The following DLG2 variants were observed in gnomAD, a reference collection of about 807,000 sequenced individuals.
DLG2 encodes the protein discs large MAGUK scaffold protein 2.
In DLG2, 45 loss-of-function variants were observed where a neutral mutation model predicts 132.5. The ratio of observed to expected loss-of-function variants is 0.34; its 90% CI spans 0.27 to 0.44. The LOEUF (loss-of-function observed/expected upper bound fraction) is 0.44. Among genes scored for constraint, DLG2 ranks in the 20% least tolerant of loss-of-function variants. DLG2 has a pLI of 1.00. For missense variants in DLG2, 1,045 were observed against 1,196.9 expected (o/e 0.87, Z 1.87); for synonymous variants, 424 against 419.6 (o/e 1.01, Z -0.13).
At chr11:83,789,523 C>T (rs1227686983) in intron 17 of DLG2, among the ~76,000 whole-genome samples, 1 of 144,834 alleles carries the variant, frequency 6.9e-6, no homozygotes, top group African/African-American at 2.7e-5. Flanking sequence ...CTTGCTGACA[C>T]TTCCCCACCC....
At chr11:83,856,699 T>C (rs1248417600) in intron 16 of DLG2, among the ~76,000 whole-genome samples, 1 of 152,162 alleles carries the variant, frequency 6.6e-6, no homozygotes, top group Non-Finnish European at 1.5e-5. Context: ...TTCTGTACAT[T>C]CCTTTAAGTT....
At chr11:83,557,979 A>G (rs2096548381) in intron 19 of DLG2, among the ~76,000 whole-genome samples, 1 of 152,174 alleles carries the variant, frequency 6.6e-6, no homozygotes, top group South Asian at 2.1e-4. Flanking sequence ...GAGAAGATGG[A>G]GTTACCAACT....
chr11:84,439,295 A>G (rs1311270181), intron 7 of DLG2, among the ~76,000 whole-genome samples: 3 of 152,186 alleles, frequency 2.0e-5, no homozygotes, highest in East Asian at 3.8e-4. Context: ...TTCCTGCCCT[A>G]TGAGTCTATG....
rs558947643 is a variant in DLG2, at chr11:85,620,019, T to G, written c.-93+6568A>C. Among the ~76,000 whole-genome samples the G allele has an allele frequency of 5.9e-5, 9 of 152,368 alleles. No individual in the cohort carries two copies. In the South Asian group the frequency reaches 1.9e-3, roughly 32 times the overall value. On this transcript the variant is annotated intron_variant, in intron 2 of 27. Coordinates refer to ENST00000376104, the MANE Select transcript of DLG2 (RefSeq NM_001142699.3). ...CTGCACTTTGCAGACAACACGTTTT[T>G]CACAAATTAAGTTTGTGACAACCCT...
intron 3 of DLG2, among the ~76,000 whole-genome samples, chr11:85,474,755 CATTTA>C (rs1033311341): frequency 2.6e-5 from 4 of 151,424 alleles, no homozygotes; most frequent in Non-Finnish European, 4.4e-5. Flanking sequence ...AGTTTTAATT[CATTTA>C]ATTTAATTAA....
chr11:84,415,251 G>A (rs1174985724), intron 7 of DLG2, among the ~76,000 whole-genome samples: 1 of 152,170 alleles, frequency 6.6e-6, no homozygotes, highest in Non-Finnish European at 1.5e-5. Flanking sequence ...AACTATGGAT[G>A]TCATTGCATG....
intron 3 of DLG2, among the ~76,000 whole-genome samples, chr11:85,425,560 G>C (rs1178868004): frequency 1.3e-5 from 2 of 151,964 alleles, no homozygotes; most frequent in Non-Finnish European, 2.9e-5. Context: ...TCAATTCATT[G>C]TAAGAATCAT....
intron 3 of DLG2, among the ~76,000 whole-genome samples, chr11:85,417,363 T>C (rs531279249): frequency 2.0e-4 from 30 of 152,084 alleles, no homozygotes; most frequent in Non-Finnish European, 3.7e-4. Context: ...TTATTGAGGA[T>C]TTTTGCACCG....
At chr11:84,045,420 A>T (rs1287048660) in intron 11 of DLG2, among the ~76,000 whole-genome samples, 2 of 151,792 alleles carry the variant, frequency 1.3e-5, no homozygotes, top group African/African-American at 4.8e-5. Flanking sequence ...CAATAGAGAT[A>T]AAACAAGTGT....
At chr11:83,690,535 T>G (rs1224400808) in intron 18 of DLG2, among the ~76,000 whole-genome samples, 2 of 152,134 alleles carry the variant, frequency 1.3e-5, no homozygotes, top group Non-Finnish European at 2.9e-5. Context: ...AAAGAGCTAA[T>G]TGTAATAATA....
intron 6 of DLG2, among the ~76,000 whole-genome samples, chr11:85,103,429 G>T (rs991267792): frequency 6.6e-6 from 1 of 151,930 alleles, no homozygotes; most frequent in Non-Finnish European, 1.5e-5. Context: ...AAACAGAGTT[G>T]AAAGTCCATA....
chr11:84,198,124 C>G (rs1274554915), intron 8 of DLG2, among the ~76,000 whole-genome samples: 2 of 151,998 alleles, frequency 1.3e-5, no homozygotes, highest in Admixed American at 6.6e-5. Context: ...GCCTTGAAAA[C>G]TAATTTAAGC....
At chr11:84,879,764 C>A (rs904395805) in intron 6 of DLG2, among the ~76,000 whole-genome samples, 1 of 152,036 alleles carries the variant, frequency 6.6e-6, no homozygotes, top group African/African-American at 2.4e-5. Flanking sequence ...AAATAGAGGA[C>A]CACTACTGTT....
At chr11:84,409,767 T>C (rs1475816402) in intron 7 of DLG2, among the ~76,000 whole-genome samples, 1 of 152,226 alleles carries the variant, frequency 6.6e-6, no homozygotes, top group Non-Finnish European at 1.5e-5. Context: ...ATGTTTAATT[T>C]AGTTTTAGTG....
At chr11:84,313,289 A>G (rs2154391942) in intron 7 of DLG2, among the ~76,000 whole-genome samples, 1 of 150,632 alleles carries the variant, frequency 6.6e-6, no homozygotes, top group Non-Finnish European at 1.5e-5. Flanking sequence ...TAATTTTTGT[A>G]TTTTTAGTAG....
At chr11:84,343,843 C>G (rs945621274) in intron 7 of DLG2, among the ~76,000 whole-genome samples, 20 of 152,234 alleles carry the variant, frequency 1.3e-4, no homozygotes, top group African/African-American at 4.8e-4. Flanking sequence ...TATAGACATT[C>G]ATCAGTAAAA....
At chr11:84,207,294 C>A (rs192768065) in intron 8 of DLG2, among the ~76,000 whole-genome samples, 104 of 151,828 alleles carry the variant, frequency 6.8e-4, no homozygotes, top group Middle Eastern at 3.4e-3. Flanking sequence ...GGTAAGTTGA[C>A]CCCAAAGTGT....
chr11:83,541,598 C>T lies in DLG2; in HGVS notation c.2117+84G>A, dbSNP rs1006104100. 17 of 1,203,408 alleles carry T rather than the reference C, an allele frequency of 1.4e-5. No individual in the cohort carries two copies. In the South Asian group the frequency reaches 3.4e-4, roughly 24 times the overall value. The allele number at this position is 1,203,408 out of a possible 1,614,324, so 74.5% of individuals were successfully genotyped here. A position where few individuals can be genotyped will look rare whatever the true frequency, so the allele number is the denominator to read the frequency against. On this transcript the variant is annotated intron_variant, in intron 20 of 27. Transcript: ENST00000376104. ...ATTTAAATAAATTTAATTTTGTGAA[C>T]AGTTTCTCCCACCTTCTTCTTCCCT... is the stretch of plus-strand genomic sequence containing the variant.
chr11:85,039,485 G>C (rs560491113), intron 6 of DLG2, among the ~76,000 whole-genome samples: 1 of 151,932 alleles, frequency 6.6e-6, no homozygotes, highest in East Asian at 1.9e-4. Context: ...GCTTAAGTAG[G>C]TTACTTGGCA....
Sources: gnomAD v4.1 joint callset for allele counts (sites outside exome capture counted in the v4.1 genomes callset) on GRCh38, gnomAD v4.1.1 for gene constraint, MANE v1.5 for transcripts, NCBI Gene and HGNC (gene_info 2026-07-23, HGNC 2026-07-21) for gene names.